Variants in ARFGEF1 observed in about 807,000 individuals in gnomAD.
ARFGEF1 encodes the protein ARF guanine nucleotide exchange factor 1.
ARFGEF1 carries 42 observed loss-of-function variants against 231.0 expected under a neutral mutation model. The observed-to-expected ratio is 0.18, with a 90% confidence interval of 0.14 to 0.24. The LOEUF is 0.24. Among genes scored for constraint, ARFGEF1 ranks in the 10% least tolerant of loss-of-function variants. ARFGEF1 has a pLI of 1.00. For missense variants in ARFGEF1, 1,345 were observed against 2,192.0 expected, an observed-to-expected ratio of 0.61 and a Z score of 7.72; for synonymous variants, 710 against 732.3, an observed-to-expected ratio of 0.97 and a Z score of 0.49.
chr8:67,267,405 G>A lies in ARFGEF1; in HGVS notation c.1610C>T (p.Thr537Ile). The A allele has an allele frequency of 6.2e-7, 1 of 1,611,700 alleles. No homozygotes were observed. Among genetic ancestry groups the A allele is most frequent in the Non-Finnish European group, 8.5e-7 (1 of 1,178,954 alleles). Reference sequence around the variant, plus strand: ...TTTGTGATCAAATGAGCTGGTAGAAGTTTCCAAAATGTATAAGAAAATTTC... The same window carrying A: ...TTTGTGATCAAATGAGCTGGTAGAAATTTCCAAAATGTATAAGAAAATTTC... The part of the protein sequence containing the change: ...FKEIFLYILE[T>I]STSSFDHKWM... Residue 537 changes from threonine (T) to isoleucine (I), a missense_variant, in exon 11 of 39, where the codon ACT (threonine) becomes ATT (isoleucine). Thr to Ile is a moderately conservative substitution (Grantham distance 89). Transcript: ENST00000262215.
intron 33 of ARFGEF1, 134 bp downstream of exon 33, chr8:67,216,450 CTATTTA>C (rs1298432025): frequency 2.7e-6 from 2 of 750,198 alleles, no homozygotes; most frequent in Non-Finnish European, 4.1e-6. Context: ...AAAAAAATGT[CTATTTA>C]TAAGTAATCC....
At chr8:67,178,418 C>T (rs781717199) in intron 5 of ARFGEF1, among the ~76,000 whole-genome samples, 4 of 152,162 alleles carry the variant, frequency 2.6e-5, no homozygotes, top group Non-Finnish European at 5.9e-5. Flanking sequence ...AGAAACTGTT[C>T]TAGGTGCCGG....
chr8:67,299,706 G>C (rs968373717), intron 3 of ARFGEF1, among the ~76,000 whole-genome samples: 3 of 152,178 alleles, frequency 2.0e-5, no homozygotes, highest in Non-Finnish European at 4.4e-5. Context: ...AGCACTTTGG[G>C]AGGCCTGCTT....
intron 1 of ARFGEF1, among the ~76,000 whole-genome samples, chr8:67,325,520 T>G (rs1299118111): frequency 1.3e-5 from 2 of 152,166 alleles, no homozygotes; most frequent in East Asian, 3.9e-4. Context: ...TGTCCCATAA[T>G]GCCCCATGTT....
chr8:67,338,992 C>T (rs1000613874), intron 1 of ARFGEF1, among the ~76,000 whole-genome samples: 7 of 152,026 alleles, frequency 4.6e-5, no homozygotes, highest in African/African-American at 1.4e-4. Flanking sequence ...CCTCCACTGA[C>T]GTATCTTTTT....
intron 5 of ARFGEF1, among the ~76,000 whole-genome samples, chr8:67,183,558 C>A (rs1032269441): frequency 6.6e-6 from 1 of 152,052 alleles, no homozygotes; most frequent in Non-Finnish European, 1.5e-5. Flanking sequence ...ACGCATAGGT[C>A]AGAGAAAAAA....
chr8:67,306,366 TG>T, intron 1 of ARFGEF1, among the ~76,000 whole-genome samples: 1 of 152,314 alleles, frequency 6.6e-6, no homozygotes, highest in South Asian at 2.1e-4. Context: ...ACTTAACAAT[TG>T]CTTATTTATG....
chr8:67,205,861 AAAATAAATAAATAAAT>A (rs202104244), intron 34 of ARFGEF1, among the ~76,000 whole-genome samples: 221 of 150,234 alleles, frequency 1.5e-3, no homozygotes, highest in African/African-American at 5.1e-3. Context: ...CCGTCTCAAA[AAAATAAATAAATAAAT>A]AAATAAATAA....
rs368714166 is a variant in ARFGEF1 at position 67,334,136 on chromosome 8, CA to C, written c.124+9027del. On this transcript the variant is annotated intron_variant, in intron 1 of 38. Transcript: ENST00000262215. ...GAGCAACAATAGCTAAACTCCGTCT[CA>C]AAAAAAAAAAAAAAAAAAAAGAATA... Among the ~76,000 whole-genome samples the C allele has an allele frequency of 5.4e-3, 238 of 43,734 alleles. 2 individuals carry two copies. The highest frequency in any genetic ancestry group is 9.5e-3 in the South Asian group (12 of 1,258). The allele number at this position is 43,734 out of a possible 152,430, so 28.7% of individuals were successfully genotyped here.
At position 67,206,653 on chromosome 8, in the gene ARFGEF1, C is replaced by T. The variant is rs192203004; in HGVS notation, c.4820-1834G>A. 1.8e-4 allele frequency among the ~76,000 whole-genome samples: 28 copies of T among 152,268 alleles called. No individual in the cohort carries two copies. In the East Asian group the frequency reaches 4.8e-3, roughly 26 times the overall value. On this transcript the variant is annotated intron_variant, in intron 34 of 38. Coordinates refer to ENST00000262215, the MANE Select transcript of ARFGEF1 (RefSeq NM_006421.5). ...CTAAGTAGCTAAGCCAATGCAGCAGCGCAAGGTTAGAAAAGAGGACTCAAC... is the reference window on the plus strand; with the variant it reads ...CTAAGTAGCTAAGCCAATGCAGCAGTGCAAGGTTAGAAAAGAGGACTCAAC...
chr8:67,301,393 G>T lies in ARFGEF1; in HGVS notation c.156-13C>A. The T allele has an allele frequency of 6.2e-7, 1 of 1,602,866 alleles. No individual in the cohort carries two copies. The highest frequency in any genetic ancestry group is 8.5e-7 in the Non-Finnish European group (1 of 1,176,596). On this transcript the variant is annotated splice_polypyrimidine_tract_variant and intron_variant, in intron 2 of 38. Transcript: ENST00000262215. ...TCCATGAGGAGGACTAAATGAGAAA[G>T]AAAAGTCTGATTATAGCGTATCACA...
intron 34 of ARFGEF1, among the ~76,000 whole-genome samples, chr8:67,206,872 T>TA (rs1838542185): frequency 6.6e-6 from 1 of 152,238 alleles, no homozygotes; most frequent in African/African-American, 2.4e-5. Context: ...TTCTTTCTAC[T>TA]ATGAAAAACA....
At chr8:67,185,755 G>T (rs1162058276) in intron 5 of ARFGEF1, among the ~76,000 whole-genome samples, 1 of 151,860 alleles carries the variant, frequency 6.6e-6, no homozygotes, top group Non-Finnish European at 1.5e-5. Context: ...ATGATGATGA[G>T]TTTGATGATG....
chr8:67,277,413 T>A lies in ARFGEF1; in HGVS notation c.1072A>T (p.Ile358Phe). 1 of 1,613,792 alleles carries A rather than the reference T, an allele frequency of 6.2e-7. No individual in the cohort carries two copies. The change falls in exon 8 of 39, where the codon ATT (isoleucine) becomes TTT (phenylalanine). Residue 358 changes from isoleucine to phenylalanine, a missense_variant. Coordinates refer to ENST00000262215, the MANE Select transcript of ARFGEF1 (RefSeq NM_006421.5). The part of the protein sequence containing the change: ...TTINASADGN[I>F]GTIEDGSDSE... ...TCACTACCATCCTCTATAGTTCCAATGTTGCCATCTGCACTTGCATTTATA... is the reference window on the plus strand; with the variant it reads ...TCACTACCATCCTCTATAGTTCCAAAGTTGCCATCTGCACTTGCATTTATA...
intron 10 of ARFGEF1, 138 bp from the exon 11 acceptor site, chr8:67,267,580 TC>T (rs1261346014): frequency 1.7e-6 from 1 of 587,682 alleles, no homozygotes; most frequent in African/African-American, 1.9e-5. Flanking sequence ...GAGTTCCATC[TC>T]TGAATCCTCA....
Position 67,198,340 on chromosome 8 carries a change from A to G in ARFGEF1, c.*594T>C. 1.0e-6 allele frequency: 1 copy of G among 984,348 alleles called. No homozygotes were observed. The highest frequency in any genetic ancestry group is 1.2e-6 in the Non-Finnish European group (1 of 828,562). The allele number at this position is 984,348 out of a possible 1,614,324, so 61.0% of individuals were successfully genotyped here. ...TTAGCAAATGAATAAGAAAATAAAG[A>G]AAACAGTGCAGGAAGAACTATATAA... On this transcript the variant is annotated 3_prime_UTR_variant, in exon 39 of 39. Coordinates refer to ENST00000262215, the MANE Select transcript of ARFGEF1 (RefSeq NM_006421.5).
At chr8:67,278,785 A>C (rs1174314474) in intron 7 of ARFGEF1, among the ~76,000 whole-genome samples, 4 of 152,134 alleles carry the variant, frequency 2.6e-5, no homozygotes, top group Non-Finnish European at 5.9e-5. Flanking sequence ...GGTCAAAAAA[A>C]CTGGATAATT....
In ARFGEF1 at chr8:67,287,964, CAAT is replaced by C. The variant is rs1196816327; in HGVS notation, c.1015_1017del (p.Ile339del). The C allele has an allele frequency of 1.3e-6, 2 of 1,581,956 alleles. No homozygotes were observed. The highest frequency in any genetic ancestry group is 1.2e-5 in the South Asian group (1 of 84,414). The stretch of plus-strand genomic sequence containing the variant: ...GAATGAAGTATACTACCTCCAACAA[CAAT>C]GTTCACCATTTCTTCTACAATGTTC... On this transcript the variant is annotated inframe_deletion, in exon 7 of 39. Transcript: ENST00000262215.
intron 38 of ARFGEF1, chr8:67,199,890 T>C (rs1463376766): frequency 4.5e-6 from 1 of 223,230 alleles, no homozygotes; most frequent in Non-Finnish European, 9.2e-6. Flanking sequence ...TACAGTCATA[T>C]ATGTGTATTT....
Sources: gnomAD v4.1 joint callset for allele counts (sites outside exome capture counted in the v4.1 genomes callset) on GRCh38, gnomAD v4.1.1 for gene constraint, MANE v1.5 for transcripts, NCBI Gene and HGNC (gene_info 2026-07-23, HGNC 2026-07-21) for gene names.